SEC24A: variants seen among roughly 807,000 people sequenced by gnomAD.
The protein encoded by SEC24A is protein transport protein Sec24A.
A neutral mutation model predicts 129.4 loss-of-function variants in SEC24A; 93 were observed. The ratio of observed to expected loss-of-function variants is 0.72; its 90% CI spans 0.61 to 0.85. SEC24A has a LOEUF of 0.85. Among genes scored for constraint, SEC24A ranks in the 40% least tolerant of loss-of-function variants. The probability of loss-of-function intolerance (pLI) is 0.00; values close to 1 mark genes in which losing one functional copy is unlikely to be tolerated. For synonymous variants in SEC24A, 460 were observed against 467.3 expected (o/e 0.98, Z 0.20); for missense variants, 1,264 against 1,307.4 (o/e 0.97, Z 0.51).
chr5:134,660,315 A>G (rs942997049), intron 1 of SEC24A, among the ~76,000 whole-genome samples: 1 of 152,040 alleles, frequency 6.6e-6, no homozygotes, highest in Non-Finnish European at 1.5e-5. Flanking sequence ...ACAGTGAGCC[A>G]TGATTGTGCC....
At chr5:134,708,940 C>A (rs750274325) in intron 18 of SEC24A, 52 bp downstream of exon 18, 2 of 1,542,834 alleles carry the variant, frequency 1.3e-6, no homozygotes, top group Admixed American at 3.7e-5. Context: ...GCACTGTGGC[C>A]TACACCTGCA....
At chr5:134,661,634 G>T in intron 2 of SEC24A, 48 bp downstream of exon 2, 1 of 1,407,414 alleles carries the variant, frequency 7.1e-7, no homozygotes, top group South Asian at 1.2e-5. Flanking sequence ...TGAAACTTTT[G>T]CTTATTTAGA....
chr5:134,659,134 C>T (rs1477401310), intron 1 of SEC24A, among the ~76,000 whole-genome samples: 7 of 150,952 alleles, frequency 4.6e-5, no homozygotes, highest in African/African-American at 1.5e-4. Flanking sequence ...TGCAGTGGCG[C>T]GATGTTGGCT....
Position 134,676,023 on chromosome 5 carries a change from G to T in SEC24A, c.1152G>T (p.Glu384Asp). 6.3e-7 allele frequency: 1 copy of T among 1,595,828 alleles called. No homozygotes were observed. The highest frequency in any genetic ancestry group is 8.5e-7 in the Non-Finnish European group (1 of 1,173,606). Residue 384 changes from glutamate to aspartate, a missense_variant and splice_region_variant, in exon 7 of 23, where the codon GAG becomes GAT. Glu to Asp is a conservative substitution (Grantham distance 45, BLOSUM62 2). Coordinates refer to ENST00000398844, the MANE Select transcript of SEC24A (RefSeq NM_021982.3). ...ATACATACTTTTTACTTTGATATAG[G>T]TTATTTCGATGCACGCTGACTAGCA... ...EDIQKLNCNP[E>D]LFRCTLTSIP...
intron 15 of SEC24A, among the ~76,000 whole-genome samples, chr5:134,703,454 G>C (rs1168462744): frequency 6.6e-6 from 1 of 152,144 alleles, no homozygotes. Flanking sequence ...TTTTGGTAGA[G>C]ACAGGGTTTC....
In SEC24A at chr5:134,726,718, A is replaced by G. The variant is rs758915730; in HGVS notation, c.*1624A>G. 17 of 152,214 alleles carry G rather than the reference A, an allele frequency of 1.1e-4. No homozygotes were observed. The highest frequency in any genetic ancestry group is 2.0e-4 in the Admixed American group (3 of 15,278). 9.4% of individuals were successfully genotyped at this position (152,214 alleles called of 1,614,324 possible). ...CAATTTTCAAATTGTAGCGAATTAT[A>G]TTATCCCCTCTTTTAAAGAAACAGT... On this transcript the variant is annotated 3_prime_UTR_variant, in exon 23 of 23. Coordinates refer to ENST00000398844, the MANE Select transcript of SEC24A (RefSeq NM_021982.3).
rs1299224350 is a variant in SEC24A at position 134,705,408 on chromosome 5, A to G, written c.2522A>G (p.Gln841Arg). ...GATGTCTTTCTTGGAGCTGATGTTC[A>G]AGCAATTTCAGGGTTATTGGCCAAT... Reference protein sequence around the residue: ...LNDVFLGADVQAISGLLANMA... With the variant: ...LNDVFLGADVRAISGLLANMA... The change falls in exon 17 of 23, where the codon CAA becomes CGA. Residue 841 changes from glutamine to arginine, a missense_variant. Gln to Arg is a conservative substitution (Grantham distance 43). Coordinates refer to ENST00000398844, the MANE Select transcript of SEC24A (RefSeq NM_021982.3). 7.4e-6 allele frequency: 12 copies of G among 1,612,962 alleles called. No individual in the cohort carries two copies. Among genetic ancestry groups the G allele is most frequent in the Non-Finnish European group, 1.0e-5 (12 of 1,179,314 alleles).
intron 15 of SEC24A, among the ~76,000 whole-genome samples, chr5:134,698,880 A>G (rs1315274964): frequency 1.3e-5 from 2 of 151,670 alleles, no homozygotes; most frequent in African/African-American, 2.4e-5. Context: ...TGATCTGCCC[A>G]CCTCAGCCTC....
intron 16 of SEC24A, 126 bp from the exon 17 acceptor site, chr5:134,705,201 G>T (rs1385223560): frequency 1.4e-5 from 8 of 565,846 alleles, no homozygotes; most frequent in African/African-American, 9.6e-5. Flanking sequence ...TCTGCCTCTG[G>T]AGTAGGTGGG....
intron 22 of SEC24A, among the ~76,000 whole-genome samples, 189 bp from the exon 23 acceptor site, chr5:134,724,791 T>TTCCACCA (rs965648033): frequency 2.0e-5 from 3 of 152,190 alleles, no homozygotes; most frequent in African/African-American, 7.2e-5. Context: ...TTTCTCTTAA[T>TTCCACCA]TCCACCATAA....
intron 12 of SEC24A, chr5:134,693,043 G>A (rs1751709836): frequency 2.6e-6 from 4 of 1,535,950 alleles, no homozygotes; most frequent in South Asian, 1.2e-5. Flanking sequence ...TGTCATTGGG[G>A]TCAGTTCAGA....
intron 1 of SEC24A, among the ~76,000 whole-genome samples, chr5:134,657,569 A>T (rs182941469): frequency 1.2e-3 from 186 of 152,048 alleles, no homozygotes; most frequent in African/African-American, 4.1e-3. Context: ...CCAATGTTAA[A>T]TTATTTATTT....
chr5:134,676,868 A>G (rs1561812041), intron 7 of SEC24A, among the ~76,000 whole-genome samples: 3 of 152,206 alleles, frequency 2.0e-5, no homozygotes, highest in Admixed American at 1.3e-4. Context: ...ATTACTTACA[A>G]TTCAACCAAA....
At chr5:134,665,436 C>T (rs1750626760) in intron 2 of SEC24A, among the ~76,000 whole-genome samples, 1 of 144,634 alleles carries the variant, frequency 6.9e-6, no homozygotes, top group African/African-American at 2.6e-5. Context: ...GCCTGGGGGA[C>T]AAGAGTGAGA....
At chr5:134,667,674 A>C (rs1053735849) in intron 3 of SEC24A, among the ~76,000 whole-genome samples, 7 of 151,574 alleles carry the variant, frequency 4.6e-5, no homozygotes, top group African/African-American at 7.3e-5. Flanking sequence ...AAAAACAAAA[A>C]AAAAAAAACA....
intron 1 of SEC24A, among the ~76,000 whole-genome samples, chr5:134,655,276 G>A (rs1305101779): frequency 6.6e-6 from 1 of 152,108 alleles, no homozygotes; most frequent in Non-Finnish European, 1.5e-5. Flanking sequence ...CTGGTTGGGT[G>A]GGAAGCACTC....
At chr5:134,665,049 C>T (rs1293870288) in intron 2 of SEC24A, among the ~76,000 whole-genome samples, 1 of 151,804 alleles carries the variant, frequency 6.6e-6, no homozygotes, top group Non-Finnish European at 1.5e-5. Context: ...CCACCTGTCT[C>T]AGCCTCCCAA....
chr5:134,668,653 G>A (rs1750749308), intron 3 of SEC24A, among the ~76,000 whole-genome samples: 3 of 151,820 alleles, frequency 2.0e-5, no homozygotes, highest in Admixed American at 2.0e-4. Flanking sequence ...TTGAACCTGG[G>A]AGGCGGAGGT....
intron 14 of SEC24A, 72 bp from the exon 15 acceptor site, chr5:134,697,827 A>G (rs920063452): frequency 1.4e-6 from 2 of 1,402,508 alleles, no homozygotes; most frequent in South Asian, 1.3e-5. Context: ...ATTGATTCCA[A>G]TGTCTTTAGT....
Sources: gnomAD v4.1 joint callset for allele counts (sites outside exome capture counted in the v4.1 genomes callset) on GRCh38, gnomAD v4.1.1 for gene constraint, MANE v1.5 for transcripts, NCBI Gene and HGNC (gene_info 2026-07-23, HGNC 2026-07-21) for gene names.